Variants in FER1L6 observed in about 807,000 individuals in gnomAD.
The protein encoded by FER1L6 is fer-1 like family member 6.
FER1L6 carries 177 observed loss-of-function variants against 219.2 expected under a neutral mutation model. The ratio of observed to expected loss-of-function variants is 0.81; its 90% confidence interval spans 0.71 to 0.91. FER1L6 has a LOEUF of 0.91. Among genes scored for constraint, FER1L6 ranks in the 40% least tolerant of loss-of-function variants. The probability of loss-of-function intolerance (pLI) is 0.00; values close to 1 mark genes in which losing one functional copy is unlikely to be tolerated. For synonymous variants in FER1L6, 768 were observed against 824.3 expected (o/e 0.93, Z 1.17); for missense variants, 2,153 against 2,259.9 (o/e 0.95, Z 0.96).
chr8:123,951,962 G>A (rs908726383), intron 1 of FER1L6, among the ~76,000 whole-genome samples: 1 of 152,198 alleles, frequency 6.6e-6, no homozygotes, highest in Non-Finnish European at 1.5e-5. Flanking sequence ...TGCAGTGAAG[G>A]TGGAGAAGGT....
At chr8:124,074,715 C>T (rs1821210212) in intron 31 of FER1L6, among the ~76,000 whole-genome samples, 1 of 151,488 alleles carries the variant, frequency 6.6e-6, no homozygotes, top group Non-Finnish European at 1.5e-5. Flanking sequence ...GGAATACGTT[C>T]TGAGAAATGT....
At chr8:123,959,568 A>G (rs540371840) in intron 2 of FER1L6, among the ~76,000 whole-genome samples, 1 of 152,328 alleles carries the variant, frequency 6.6e-6, no homozygotes, top group South Asian at 2.1e-4. Context: ...AGCACCTACA[A>G]GGCCTGGCCT....
At chr8:123,946,180 G>T (rs1814477070) in intron 1 of FER1L6, among the ~76,000 whole-genome samples, 1 of 152,130 alleles carries the variant, frequency 6.6e-6, no homozygotes, top group Non-Finnish European at 1.5e-5. Flanking sequence ...TTATGACCTT[G>T]AACTGGTTCT....
intron 1 of FER1L6, among the ~76,000 whole-genome samples, chr8:123,908,605 GT>G (rs1189091654): frequency 2.6e-5 from 4 of 151,962 alleles, no homozygotes; most frequent in East Asian, 3.9e-4. Context: ...AATTCAACAG[GT>G]TTTTTTTGGT....
At chr8:123,911,091 G>A (rs185924635) in intron 1 of FER1L6, among the ~76,000 whole-genome samples, 2 of 152,128 alleles carry the variant, frequency 1.3e-5, no homozygotes, top group African/African-American at 4.8e-5. Context: ...CATTGGGCAG[G>A]AGTCCATGGA....
Position 123,991,044 on chromosome 8 carries a change from T to A in FER1L6, c.1519+4868T>A, listed in dbSNP as rs984045428. 3.3e-5 allele frequency among the ~76,000 whole-genome samples: 5 copies of A among 152,328 alleles called. No individual in the cohort carries two copies. In the South Asian group the frequency reaches 1.0e-3, roughly 32 times the overall value. ...GTAAGTATTGGCTTTATTTCTGGGT[T>A]CTCTGTTCTGTTCTATTGGTCTATG... On this transcript the variant is annotated intron_variant, in intron 12 of 40. Transcript: ENST00000522917.
At chr8:123,996,488 C>G (rs1297619926) in intron 12 of FER1L6, among the ~76,000 whole-genome samples, 1 of 151,902 alleles carries the variant, frequency 6.6e-6, no homozygotes, top group Non-Finnish European at 1.5e-5. Flanking sequence ...ATGGAATATC[C>G]TTTTTCATTT....
intron 1 of FER1L6, among the ~76,000 whole-genome samples, chr8:123,920,467 C>T (rs567045188): frequency 6.6e-6 from 1 of 152,344 alleles, no homozygotes; most frequent in Admixed American, 6.5e-5. Flanking sequence ...CGCGATTAGA[C>T]TGGTTCTGTG....
chr8:124,087,471 C>G (rs528716445), intron 33 of FER1L6, among the ~76,000 whole-genome samples: 1 of 152,104 alleles, frequency 6.6e-6, no homozygotes, highest in African/African-American at 2.4e-5. Context: ...TTCTGAATTC[C>G]TTCTTTGTGT....
In FER1L6 at chr8:123,980,597, T is replaced by G; in HGVS notation, c.1196T>G (p.Val399Gly). The G allele has an allele frequency of 6.2e-7, 1 of 1,614,056 alleles. No individual in the cohort carries two copies. Among genetic ancestry groups the G allele is most frequent in the Non-Finnish European group, 8.5e-7 (1 of 1,180,012 alleles). The change falls in exon 11 of 41, where the codon GTA (valine) becomes GGA (glycine). Residue 399 changes from valine to glycine, a missense_variant. Transcript: ENST00000522917. ...GTGTCATTCAGGGGCAGAATCTTGG[T>G]AGAAATTGCTGTGGAAATCCTCTCA... ...EGVSFRGRIL[V>G]EIAVEILSGR...
chr8:123,926,271 G>A lies in FER1L6; in HGVS notation c.-7-29721G>A, dbSNP rs1019174082. Among the ~76,000 whole-genome samples, 20 of 152,228 alleles carry A rather than the reference G, an allele frequency of 1.3e-4. No homozygotes were observed. In the South Asian group the frequency reaches 3.5e-3, roughly 27 times the overall value. ...TCATATTGAGTGTTCTTTGCATGAC[G>A]GCCTTCTGAGGGTAGGTTAGTATTA... On this transcript the variant is annotated intron_variant, in intron 1 of 40. Transcript: ENST00000522917.
chr8:124,038,919 G>A (rs1225634126), intron 19 of FER1L6, among the ~76,000 whole-genome samples: 1 of 152,206 alleles, frequency 6.6e-6, no homozygotes, highest in Admixed American at 6.5e-5. Flanking sequence ...CCGTGAAATG[G>A]GAGTGGGTAA....
chr8:124,075,034 T>A (rs1370263783), intron 31 of FER1L6, among the ~76,000 whole-genome samples: 5 of 152,200 alleles, frequency 3.3e-5, no homozygotes, highest in Admixed American at 3.3e-4. Flanking sequence ...GGTGAGTGAA[T>A]GTGAAGGCCT....
intron 31 of FER1L6, among the ~76,000 whole-genome samples, chr8:124,073,001 G>A (rs1012643716): frequency 2.0e-5 from 3 of 152,160 alleles, no homozygotes; most frequent in African/African-American, 7.2e-5. Flanking sequence ...AATTTCAGAA[G>A]CAAACAAACC....
chr8:123,924,817 A>C (rs1813502462), intron 1 of FER1L6: 1 of 152,234 alleles, frequency 6.6e-6, no homozygotes, highest in Non-Finnish European at 1.5e-5. Context: ...TGGTGCAAGC[A>C]GCCACACTTT....
At chr8:124,045,661 T>C in intron 20 of FER1L6, 106 bp from the exon 21 acceptor site, 1 of 1,217,214 alleles carries the variant, frequency 8.2e-7, no homozygotes, top group Non-Finnish European at 1.2e-6. Context: ...GCAATCACAA[T>C]GATGATGTGT....
In FER1L6 at chr8:124,021,558, G is replaced by T; in HGVS notation, c.2022G>T (p.Met674Ile). Residue 674 changes from methionine to isoleucine, a missense_variant, in exon 17 of 41, where the codon ATG (methionine) becomes ATT (isoleucine). Physicochemically the swap from Met to Ile is conservative, Grantham distance 10. Coordinates refer to ENST00000522917, the MANE Select transcript of FER1L6 (RefSeq NM_001039112.2). ...CTCTTGTCTTGTTTTAGGAAGCAATGTGCAAGGAGGCCAAGGGGATCATTC... is the reference window on the plus strand; with the variant it reads ...CTCTTGTCTTGTTTTAGGAAGCAATTTGCAAGGAGGCCAAGGGGATCATTC... ...LTLCWQELEA[M>I]CKEAKGIIQQ... The T allele has an allele frequency of 1.2e-6, 2 of 1,614,098 alleles. No individual in the cohort carries two copies. The highest frequency in any genetic ancestry group is 1.7e-6 in the Non-Finnish European group (2 of 1,179,950).
intron 12 of FER1L6, among the ~76,000 whole-genome samples, chr8:123,992,747 CTT>C (rs1816918957): frequency 6.6e-6 from 1 of 152,032 alleles, no homozygotes; most frequent in Non-Finnish European, 1.5e-5. Context: ...TCTGCTAACT[CTT>C]TGAGTTTTGT....
intron 37 of FER1L6, among the ~76,000 whole-genome samples, chr8:124,098,961 T>C (rs1406248341): frequency 6.6e-6 from 1 of 152,232 alleles, no homozygotes; most frequent in Non-Finnish European, 1.5e-5. Context: ...CCTTATTGCA[T>C]TTGTCTGAGG....
Sources: allele counts gnomAD v4.1 joint callset (sites outside exome capture counted in the v4.1 genomes callset), GRCh38; gene constraint gnomAD v4.1.1; transcripts MANE v1.5; gene names NCBI Gene and HGNC (gene_info 2026-07-23, HGNC 2026-07-21).